The following ATP9B variants were observed in gnomAD, a reference collection of about 807,000 sequenced individuals.
The protein encoded by ATP9B is ATPase phospholipid transporting 9B.
In ATP9B, 110 loss-of-function variants were observed where a neutral mutation model predicts 146.1. The observed-to-expected ratio is 0.75, with a 90% CI of 0.65 to 0.88. ATP9B has a LOEUF of 0.88. Among genes scored for constraint, ATP9B ranks in the 40% least tolerant of loss-of-function variants. ATP9B has a pLI of 0.00. For synonymous variants in ATP9B, 604 were observed against 569.7 expected, an observed-to-expected ratio of 1.06 and a Z score of -0.86; for missense variants, 1,499 against 1,496.4, an observed-to-expected ratio of 1.00 and a Z score of -0.03.
intron 7 of ATP9B, among the ~76,000 whole-genome samples, chr18:79,174,776 AT>A (rs1600170722): frequency 6.6e-6 from 1 of 151,976 alleles, no homozygotes; most frequent in East Asian, 1.9e-4. Context: ...TTAGCTTTTC[AT>A]TTTTTTGGTT....
At chr18:79,189,021 T>C (rs1208633522) in intron 8 of ATP9B, among the ~76,000 whole-genome samples, 1 of 152,160 alleles carries the variant, frequency 6.6e-6, no homozygotes, top group Non-Finnish European at 1.5e-5. Flanking sequence ...TTGTGAAAAG[T>C]AAAAATTGTA....
intron 8 of ATP9B, among the ~76,000 whole-genome samples, chr18:79,187,547 A>G (rs1341851775): frequency 3.3e-5 from 5 of 152,122 alleles, no homozygotes; most frequent in East Asian, 3.9e-4. Flanking sequence ...CCGAAGTTCT[A>G]TTTTTCAAAG....
Position 79,377,865 on chromosome 18 carries a change from C to T in ATP9B, c.*482C>T, listed in dbSNP as rs116412591. 6.2e-3 allele frequency: 996 copies of T among 159,546 alleles called. 5 individuals are homozygous for T. The highest frequency in any genetic ancestry group is 0.022 in the African/African-American group (928 of 41,796). 9.9% of individuals were successfully genotyped at this position (159,546 alleles called of 1,614,324 possible). A position where few individuals can be genotyped will look rare whatever the true frequency, so the allele number is the denominator to read the frequency against. On this transcript the variant is annotated 3_prime_UTR_variant, in exon 30 of 30. Coordinates refer to ENST00000426216, the MANE Select transcript of ATP9B (RefSeq NM_198531.5). ...AGGCAAGCCCAGGGCACAGATGCTG[C>T]GATGGCCTCTTCCTCTTAAGTGTGG...
chr18:79,209,257 A>G (rs958660030), intron 10 of ATP9B, among the ~76,000 whole-genome samples: 15 of 152,256 alleles, frequency 9.9e-5, no homozygotes, highest in Non-Finnish European at 1.8e-4. Context: ...AAGCTGACAC[A>G]TGGGGAGAAG....
At chr18:79,137,300 A>G (rs2094459741) in intron 5 of ATP9B, among the ~76,000 whole-genome samples, 1 of 152,224 alleles carries the variant, frequency 6.6e-6, no homozygotes, top group African/African-American at 2.4e-5. Context: ...CGTATGGGTC[A>G]TATCTTCTTG....
At chr18:79,345,153 G>A (rs919382515) in intron 21 of ATP9B, among the ~76,000 whole-genome samples, 6 of 152,280 alleles carry the variant, frequency 3.9e-5, no homozygotes, top group Admixed American at 3.9e-4. Context: ...AGGTCATGTC[G>A]TAGCTCAAAT....
At chr18:79,302,402 G>A (rs753686925) in intron 13 of ATP9B, among the ~76,000 whole-genome samples, 1 of 151,272 alleles carries the variant, frequency 6.6e-6, no homozygotes, top group Non-Finnish European at 1.5e-5. Flanking sequence ...ACACACCCCC[G>A]GGGACAAGGT....
chr18:79,074,235 C>T (rs1468323747), intron 1 of ATP9B, among the ~76,000 whole-genome samples: 1 of 152,132 alleles, frequency 6.6e-6, no homozygotes, highest in African/African-American at 2.4e-5. Context: ...GCGTCTCTTA[C>T]TAAAAGATGG....
chr18:79,196,369 C>G (rs529706504), intron 9 of ATP9B, among the ~76,000 whole-genome samples: 2 of 152,010 alleles, frequency 1.3e-5, no homozygotes, highest in East Asian at 3.9e-4. Flanking sequence ...ATCTAACAGA[C>G]GTAAGAATAA....
Position 79,113,235 on chromosome 18 carries a change from T to G in ATP9B, c.445-6T>G. ...AATTTTGTTAATTTTCTCTTTTCCT[T>G]TTTAGGTTTTGTATGAACAATTCAA... On this transcript the variant is annotated splice_polypyrimidine_tract_variant and splice_region_variant and intron_variant, in intron 3 of 29. Transcript: ENST00000426216. 1 of 1,500,582 alleles carries G rather than the reference T, an allele frequency of 6.7e-7. No homozygotes were observed. The highest frequency in any genetic ancestry group is 9.1e-7 in the Non-Finnish European group (1 of 1,100,124). 93.0% of individuals were successfully genotyped at this position (1,500,582 alleles called of 1,614,324 possible).
intron 5 of ATP9B, among the ~76,000 whole-genome samples, chr18:79,135,287 T>G (rs937308066): frequency 6.6e-6 from 1 of 152,228 alleles, no homozygotes; most frequent in African/African-American, 2.4e-5. Flanking sequence ...ATTCTGCATT[T>G]TAATTACCAT....
intron 11 of ATP9B, among the ~76,000 whole-genome samples, chr18:79,235,522 CTTTTTGG>C (rs980479680): frequency 2.0e-5 from 3 of 151,968 alleles, no homozygotes; most frequent in African/African-American, 7.3e-5. Flanking sequence ...TTCTGTGACA[CTTTTTGG>C]TTTTTGTTTT....
intron 11 of ATP9B, among the ~76,000 whole-genome samples, chr18:79,232,823 T>C (rs1474736751): frequency 1.3e-5 from 2 of 151,992 alleles, no homozygotes; most frequent in Non-Finnish European, 2.9e-5. Context: ...AAAATGATGG[T>C]AACAGAAATG....
chr18:79,353,815 TTTG>T (rs1038544896), intron 25 of ATP9B: 9 of 152,364 alleles, frequency 5.9e-5, no homozygotes, highest in African/African-American at 1.9e-4. Flanking sequence ...CAATGGGGTT[TTTG>T]TTGTTAAAGG....
chr18:79,349,597 G>A (rs779914870), intron 25 of ATP9B, among the ~76,000 whole-genome samples: 1 of 152,220 alleles, frequency 6.6e-6, no homozygotes, highest in Non-Finnish European at 1.5e-5. Context: ...AATCCCAGGA[G>A]TTCCTCACAA....
In ATP9B at chr18:79,126,473, T is replaced by C. The variant is rs542066019; in HGVS notation, c.667+98T>C. ...GTATGAAAACATTTTAATTCTATTA[T>C]TGAAAATAGTATTATGTGATTGTAT... On this transcript the variant is annotated intron_variant, in intron 5 of 29. Coordinates refer to ENST00000426216, the MANE Select transcript of ATP9B (RefSeq NM_198531.5). 6 of 821,192 alleles carry C rather than the reference T, an allele frequency of 7.3e-6. No individual in the cohort carries two copies. In the African/African-American group the frequency reaches 8.7e-5, roughly 12 times the overall value. 50.9% of individuals were successfully genotyped at this position (821,192 alleles called of 1,614,324 possible). A position where few individuals can be genotyped will look rare whatever the true frequency, so the allele number is the denominator to read the frequency against.
intron 13 of ATP9B, among the ~76,000 whole-genome samples, chr18:79,280,064 A>G (rs896830635): frequency 2.6e-5 from 4 of 152,246 alleles, no homozygotes; most frequent in Non-Finnish European, 5.9e-5. Flanking sequence ...AAAGCAAGCA[A>G]CTGTCTAGAT....
At chr18:79,303,849 T>A in intron 14 of ATP9B, 133 bp downstream of exon 14, 1 of 566,236 alleles carries the variant, frequency 1.8e-6, no homozygotes, top group Non-Finnish European at 3.1e-6. Context: ...ACTTCAGTCG[T>A]CTGTTCGAAT....
intron 10 of ATP9B, among the ~76,000 whole-genome samples, chr18:79,207,453 G>A (rs779765316): frequency 1.1e-4 from 17 of 152,208 alleles, no homozygotes; most frequent in Admixed American, 2.0e-4. Flanking sequence ...GAGGCCAGGC[G>A]TGCTGTGAGA....
Sources: gnomAD v4.1 joint callset for allele counts (sites outside exome capture counted in the v4.1 genomes callset) on GRCh38, gnomAD v4.1.1 for gene constraint, MANE v1.5 for transcripts, NCBI Gene and HGNC (gene_info 2026-07-23, HGNC 2026-07-21) for gene names.